The following PDXDC1 variants were observed in gnomAD, a reference collection of about 807,000 sequenced individuals.
The protein encoded by PDXDC1 is pyridoxal-dependent decarboxylase domain-containing protein 1.
A neutral mutation model predicts 100.1 loss-of-function variants in PDXDC1; 42 were observed. That is an observed-to-expected ratio of 0.42 (90% CI 0.33 to 0.54). The LOEUF is 0.54. Ranked by LOEUF, PDXDC1 falls within the 20% of genes least tolerant of loss-of-function variation. The pLI, the probability that PDXDC1 is intolerant of heterozygous loss-of-function variation, is 0.10. For synonymous variants in PDXDC1, 260 were observed against 371.7 expected, an observed-to-expected ratio of 0.70 and a Z score of 3.46; for missense variants, 636 against 979.2, an observed-to-expected ratio of 0.65 and a Z score of 4.68.
chr16:15,114,884 TACACTA>T (rs1217165433), intron 16 of PDXDC1, among the ~76,000 whole-genome samples: 3 of 132,808 alleles, frequency 2.3e-5, no homozygotes, highest in African/African-American at 8.3e-5. Context: ...ACACATAACA[TACACTA>T]ACACTAACAA....
chr16:15,104,806 A>G, intron 16 of PDXDC1: 1 of 1,543,484 alleles, frequency 6.5e-7, no homozygotes, highest in Non-Finnish European at 8.7e-7. Context: ...CATTTGATGG[A>G]CAAAATTACC....
intron 11 of PDXDC1, 134 bp downstream of exon 11, chr16:15,017,556 G>T: frequency 1.4e-6 from 1 of 726,562 alleles, no homozygotes. Context: ...TTTTTAAAGA[G>T]AAACTTGTGA....
At chr16:14,988,799 C>G in intron 1 of PDXDC1, 2 of 1,613,938 alleles carry the variant, frequency 1.2e-6, no homozygotes, top group Non-Finnish European at 1.7e-6. Context: ...CGAAGCTGAG[C>G]ACCATGCCCT....
In PDXDC1 at chr16:15,071,245, C is replaced by T. The variant is rs552069961; in HGVS notation, c.1399+41189C>T. The T allele has an allele frequency of 1.7e-5, 27 of 1,607,134 alleles. 1 individual carries two copies. In the East Asian group the frequency reaches 2.0e-4, roughly 12 times the overall value. Reference sequence around the variant, plus strand: ...CAGAGATGTTCCAAAAATGCCTCTGCGAATCCCTATAAAAAGAGAGGGCGT... The same window carrying T: ...CAGAGATGTTCCAAAAATGCCTCTGTGAATCCCTATAAAAAGAGAGGGCGT... On this transcript the variant is annotated intron_variant, in intron 16 of 16. Coordinates refer to the PDXDC1 transcript ENST00000535621.
chr16:15,072,943 T>C, intron 16 of PDXDC1: 1 of 1,613,272 alleles, frequency 6.2e-7, no homozygotes, highest in Non-Finnish European at 8.5e-7. Flanking sequence ...ATCACATTCT[T>C]ACTCACCAAT....
At chr16:15,122,782 G>C (rs1201290822) in intron 16 of PDXDC1, among the ~76,000 whole-genome samples, 3 of 140,310 alleles carry the variant, frequency 2.1e-5, no homozygotes, top group African/African-American at 7.9e-5. Context: ...GGGCAGGGGG[G>C]AGGGAAGGGG....
intron 13 of PDXDC1, 47 bp from the exon 14 acceptor site, chr16:15,026,596 T>C: frequency 6.6e-7 from 1 of 1,510,344 alleles, no homozygotes; most frequent in Non-Finnish European, 9.2e-7. Context: ...TTTGAAGGCG[T>C]CTGGAGTTTA....
chr16:15,038,694 A>C, downstream of PDXDC1: 3 of 1,469,142 alleles, frequency 2.0e-6, no homozygotes, highest in Non-Finnish European at 1.9e-6. Flanking sequence ...TCATCTAAAA[A>C]AGAACGTGTC....
intron 16 of PDXDC1, chr16:15,130,822 C>G (rs986509722): frequency 1.2e-6 from 1 of 833,810 alleles, no homozygotes; most frequent in South Asian, 1.5e-5. Context: ...CACACGCCTG[C>G]TGGGAAGCTC....
At chr16:15,072,039 T>A (rs2045254365) in intron 16 of PDXDC1, among the ~76,000 whole-genome samples, 1 of 152,114 alleles carries the variant, frequency 6.6e-6, no homozygotes, top group African/African-American at 2.4e-5. Flanking sequence ...GAGTTAATTA[T>A]GCCAATCATG....
chr16:15,124,302 C>T (rs956831514), intron 16 of PDXDC1, among the ~76,000 whole-genome samples: 8 of 152,210 alleles, frequency 5.3e-5, no homozygotes, highest in Non-Finnish European at 1.0e-4. Flanking sequence ...CCCAATCACA[C>T]AGAGTGTGCC....
chr16:15,016,560 T>C (rs1485921182), intron 9 of PDXDC1, among the ~76,000 whole-genome samples: 6 of 152,278 alleles, frequency 3.9e-5, no homozygotes, highest in Non-Finnish European at 7.3e-5. Flanking sequence ...TCTTTCCAGC[T>C]TCGTGGTCAG....
chr16:15,038,895 G>C (rs112103398), downstream of PDXDC1, among the ~76,000 whole-genome samples: 40 of 152,302 alleles, frequency 2.6e-4, no homozygotes, highest in Non-Finnish European at 4.0e-4. Flanking sequence ...ACTGCTGAGC[G>C]CCAACAGCAG....
chr16:15,073,538 C>A (rs193063991), intron 16 of PDXDC1, among the ~76,000 whole-genome samples: 2 of 152,190 alleles, frequency 1.3e-5, no homozygotes, highest in African/African-American at 4.8e-5. Context: ...AGATTTTCCT[C>A]TGAATATAAT....
At chr16:14,986,799 T>C (rs1229626645) in intron 1 of PDXDC1, among the ~76,000 whole-genome samples, 1 of 152,286 alleles carries the variant, frequency 6.6e-6, no homozygotes, top group Non-Finnish European at 1.5e-5. Context: ...CAGGCTAGAG[T>C]GCAGTGGCGC....
intron 16 of PDXDC1, chr16:15,131,508 G>A (rs1204310679): frequency 1.2e-6 from 2 of 1,608,410 alleles, no homozygotes; most frequent in African/African-American, 1.3e-5. Context: ...GCGGGTCCGA[G>A]CGCTTGCCCT....
intron 16 of PDXDC1, chr16:15,063,340 T>C (rs2044798322): frequency 1.5e-6 from 2 of 1,313,372 alleles, no homozygotes; most frequent in African/African-American, 1.4e-5. Flanking sequence ...GAAGTCAAAA[T>C]TGGTTTGGAT....
intron 16 of PDXDC1, among the ~76,000 whole-genome samples, chr16:15,082,673 C>A (rs370630570): frequency 2.0e-4 from 31 of 151,398 alleles, no homozygotes; most frequent in African/African-American, 4.1e-4. Flanking sequence ...ACTGTCCCCC[C>A]ACCCCTGAAA....
chr16:15,151,424 CAAAAA>C, the PDXDC1 span, among the ~76,000 whole-genome samples: 7 of 14,418 alleles, frequency 4.9e-4, no homozygotes, highest in African/African-American at 1.2e-3. Context: ...GACTCCGTCT[CAAAAA>C]AAAAAAAAAA....
Sources: allele counts gnomAD v4.1 joint callset (sites outside exome capture counted in the v4.1 genomes callset), GRCh38; gene constraint gnomAD v4.1.1; transcripts MANE v1.5; gene names NCBI Gene and HGNC (gene_info 2026-07-23, HGNC 2026-07-21).